C8orf34: variants seen among roughly 807,000 people sequenced by gnomAD.
The protein encoded by C8orf34 is uncharacterized protein C8orf34.
Under a neutral mutation model 68.3 loss-of-function variants are expected in C8orf34, and 65 were observed. That is an observed-to-expected ratio of 0.95 (90% CI 0.78 to 1.17). The LOEUF is 1.17. Among genes scored for constraint, C8orf34 ranks in the 50% most tolerant of loss-of-function variants. C8orf34 has a pLI of 0.00. For synonymous variants in C8orf34, 244 were observed against 241.2 expected (o/e 1.01, Z -0.11); for missense variants, 664 against 655.4 (o/e 1.01, Z -0.14).
chr8:68,342,450 A>G (rs970611793), intron 1 of C8orf34, among the ~76,000 whole-genome samples: 14 of 152,214 alleles, frequency 9.2e-5, no homozygotes, highest in Non-Finnish European at 1.6e-4. Flanking sequence ...TAACAAATGG[A>G]TAAGATCTAT....
chr8:68,359,075 A>G (rs2129619272), intron 1 of C8orf34, among the ~76,000 whole-genome samples: 1 of 152,320 alleles, frequency 6.6e-6, no homozygotes, highest in Non-Finnish European at 1.5e-5. Context: ...ACCAAACATT[A>G]AAAAGGAGTA....
At chr8:68,341,479 T>C (rs1445914421) in intron 1 of C8orf34, among the ~76,000 whole-genome samples, 2 of 152,162 alleles carry the variant, frequency 1.3e-5, no homozygotes, top group Non-Finnish European at 1.5e-5. Flanking sequence ...GCAGAGAATA[T>C]TAATGGAATA....
At chr8:68,701,479 G>T (rs961619036) in intron 8 of C8orf34, among the ~76,000 whole-genome samples, 2 of 151,876 alleles carry the variant, frequency 1.3e-5, no homozygotes, top group Non-Finnish European at 1.5e-5. Flanking sequence ...ATGACAACAG[G>T]ATTAGTTCTG....
chr8:68,393,182 G>C (rs1250247323), intron 1 of C8orf34, among the ~76,000 whole-genome samples: 1 of 152,090 alleles, frequency 6.6e-6, no homozygotes, highest in African/African-American at 2.4e-5. Flanking sequence ...AACCAGGGGA[G>C]AGTTTTAATC....
At chr8:68,754,329 C>T (rs1317908938) in intron 10 of C8orf34, among the ~76,000 whole-genome samples, 1 of 152,112 alleles carries the variant, frequency 6.6e-6, no homozygotes, top group Admixed American at 6.5e-5. Flanking sequence ...AAATTGCTAC[C>T]TTAGTTCAAA....
Position 68,330,974 on chromosome 8 carries a change from A to G in C8orf34, c.-39A>G, listed in dbSNP as rs1194020486. 7.5e-6 allele frequency: 10 copies of G among 1,339,508 alleles called. No homozygotes were observed. Among genetic ancestry groups the G allele is most frequent in the South Asian group, 5.1e-5 (3 of 58,726 alleles). The allele number at this position is 1,339,508 out of a possible 1,614,324, so 83.0% of individuals were successfully genotyped here. A position where few individuals can be genotyped will look rare whatever the true frequency, so the allele number is the denominator to read the frequency against. On this transcript the variant is annotated 5_prime_UTR_variant, in exon 1 of 14. Coordinates refer to ENST00000518698, the MANE Select transcript of C8orf34 (RefSeq NM_052958.4). Reference sequence around the variant, plus strand: ...TTCCCCACTGCGCCGGGCGCTGCGGAGAGCGGCGAGGGTGGGCGCGAGGCG... The same window carrying G: ...TTCCCCACTGCGCCGGGCGCTGCGGGGAGCGGCGAGGGTGGGCGCGAGGCG...
chr8:68,670,143 G>A (rs1031498899), intron 8 of C8orf34, among the ~76,000 whole-genome samples: 4 of 152,174 alleles, frequency 2.6e-5, no homozygotes, highest in Non-Finnish European at 4.4e-5. Context: ...ACTTGGCACT[G>A]TTTGGGCCTC....
At chr8:68,733,624 GA>G (rs1822045124) in intron 10 of C8orf34, among the ~76,000 whole-genome samples, 1 of 151,950 alleles carries the variant, frequency 6.6e-6, no homozygotes, top group Non-Finnish European at 1.5e-5. Context: ...AAAAGCTTGG[GA>G]GACCTTTTCC....
chr8:68,581,429 T>C (rs1434768392), intron 7 of C8orf34, among the ~76,000 whole-genome samples: 3 of 152,108 alleles, frequency 2.0e-5, no homozygotes, highest in Non-Finnish European at 4.4e-5. Flanking sequence ...TTTTATGGCC[T>C]GCTTCAGGGG....
At chr8:68,456,510 G>T (rs1377062969) in intron 3 of C8orf34, among the ~76,000 whole-genome samples, 1 of 152,140 alleles carries the variant, frequency 6.6e-6, no homozygotes, top group African/African-American at 2.4e-5. Context: ...TGAGGATAAT[G>T]TAAAGATGGA....
At chr8:68,451,365 T>C (rs1016172558) in intron 3 of C8orf34, among the ~76,000 whole-genome samples, 1 of 152,188 alleles carries the variant, frequency 6.6e-6, no homozygotes, top group African/African-American at 2.4e-5. Flanking sequence ...ACTTTTCATT[T>C]GCATTCGCTA....
chr8:68,332,467 T>G (rs1585928025), intron 1 of C8orf34, among the ~76,000 whole-genome samples: 1 of 136,956 alleles, frequency 7.3e-6, no homozygotes, highest in South Asian at 2.5e-4. Context: ...GGGGAGGAGG[T>G]TACGTGTCAG....
At chr8:68,456,249 C>T (rs1419663848) in intron 3 of C8orf34, among the ~76,000 whole-genome samples, 1 of 148,682 alleles carries the variant, frequency 6.7e-6, no homozygotes, top group Non-Finnish European at 1.5e-5. Flanking sequence ...GAGCGACACT[C>T]TGTCTGAAAA....
intron 6 of C8orf34, among the ~76,000 whole-genome samples, chr8:68,524,070 A>G (rs977628108): frequency 6.6e-6 from 1 of 152,144 alleles, no homozygotes; most frequent in Non-Finnish European, 1.5e-5. Flanking sequence ...TCTTATCTTT[A>G]TTTCTTGCAG....
chr8:68,447,317 T>C (rs1046268199), intron 3 of C8orf34: 2 of 152,178 alleles, frequency 1.3e-5, no homozygotes, highest in Non-Finnish European at 2.9e-5. Flanking sequence ...ACCTCCGATA[T>C]TGGTGATCAA....
intron 12 of C8orf34, among the ~76,000 whole-genome samples, chr8:68,813,249 T>C (rs1824708311): frequency 6.6e-6 from 1 of 152,216 alleles, no homozygotes; most frequent in Admixed American, 6.5e-5. Context: ...ATCCCTAGTA[T>C]AGGGGGAGTC....
intron 10 of C8orf34, among the ~76,000 whole-genome samples, chr8:68,729,724 G>C (rs1217440995): frequency 6.6e-6 from 1 of 152,106 alleles, no homozygotes; most frequent in Non-Finnish European, 1.5e-5. Context: ...TAAAACATGG[G>C]TGAGGAATAG....
At chr8:68,661,134 G>A (rs945648823) in intron 8 of C8orf34, among the ~76,000 whole-genome samples, 2 of 152,152 alleles carry the variant, frequency 1.3e-5, no homozygotes, top group Admixed American at 6.5e-5. Flanking sequence ...GACTGCCCTG[G>A]GGCATGGGCA....
chr8:68,463,519 G>T (rs1211916602), intron 3 of C8orf34, among the ~76,000 whole-genome samples: 2 of 152,170 alleles, frequency 1.3e-5, no homozygotes, highest in Non-Finnish European at 2.9e-5. Flanking sequence ...TATCCTTGAT[G>T]AACATTGATG....
Sources: allele counts gnomAD v4.1 joint callset (sites outside exome capture counted in the v4.1 genomes callset), GRCh38; gene constraint gnomAD v4.1.1; transcripts MANE v1.5; gene names NCBI Gene and HGNC (gene_info 2026-07-23, HGNC 2026-07-21).